The following CTNNA3 variants were observed in gnomAD, a reference collection of about 807,000 sequenced individuals.
The protein encoded by CTNNA3 is catenin alpha 3.
A neutral mutation model predicts 95.7 loss-of-function variants in CTNNA3; 76 were observed. The observed-to-expected ratio is 0.79, with a 90% CI of 0.66 to 0.96. The LOEUF is 0.96. Ranked by LOEUF, CTNNA3 falls within the 40% of genes least tolerant of loss-of-function variation. CTNNA3 has a pLI of 0.00. For synonymous variants in CTNNA3, 431 were observed against 374.4 expected (o/e 1.15, Z -1.74); for missense variants, 1,191 against 1,089.8 (o/e 1.09, Z -1.31).
chr10:66,290,150 T>C (rs952534766), intron 12 of CTNNA3, among the ~76,000 whole-genome samples: 2 of 151,918 alleles, frequency 1.3e-5, no homozygotes, highest in African/African-American at 4.8e-5. Context: ...GATGTGTGAA[T>C]AAAGAGAAGT....
At chr10:66,594,552 T>A (rs2132237779) in intron 10 of CTNNA3, among the ~76,000 whole-genome samples, 1 of 152,288 alleles carries the variant, frequency 6.6e-6, no homozygotes, top group East Asian at 1.9e-4. Context: ...AGTCATCCCA[T>A]CTGGATGCTT....
chr10:67,070,831 C>T (rs1342125816), intron 7 of CTNNA3, among the ~76,000 whole-genome samples: 2 of 152,006 alleles, frequency 1.3e-5, no homozygotes, highest in African/African-American at 4.8e-5. Flanking sequence ...TCCTCTATTT[C>T]CTACCTAGTT....
At chr10:66,338,329 T>C (rs1016293011) in intron 12 of CTNNA3, among the ~76,000 whole-genome samples, 3 of 151,760 alleles carry the variant, frequency 2.0e-5, no homozygotes, top group Admixed American at 1.3e-4. Flanking sequence ...GACATAAGAG[T>C]TCTTATTGTG....
At chr10:67,400,194 C>T (rs578108373) in intron 5 of CTNNA3, among the ~76,000 whole-genome samples, 1 of 152,096 alleles carries the variant, frequency 6.6e-6, no homozygotes, top group African/African-American at 2.4e-5. Flanking sequence ...ATACCAAAAC[C>T]TTCAAGATGC....
At chr10:66,046,010 G>C (rs1486535823) in intron 15 of CTNNA3, among the ~76,000 whole-genome samples, 1 of 152,158 alleles carries the variant, frequency 6.6e-6, no homozygotes, top group Non-Finnish European at 1.5e-5. Flanking sequence ...TGGCTGTCAG[G>C]GAGAAGAATG....
chr10:66,915,317 T>C (rs1304199001), intron 7 of CTNNA3, among the ~76,000 whole-genome samples: 1 of 152,064 alleles, frequency 6.6e-6, no homozygotes, highest in Non-Finnish European at 1.5e-5. Flanking sequence ...CAGAATATTG[T>C]CTGATTCTCT....
chr10:67,404,032 C>T (rs1845034827), intron 5 of CTNNA3, among the ~76,000 whole-genome samples: 1 of 152,102 alleles, frequency 6.6e-6, no homozygotes, highest in Admixed American at 6.5e-5. Context: ...ACAACAACAA[C>T]AAAAACCCAT....
At chr10:66,650,115 A>G (rs1845843541) in intron 9 of CTNNA3, among the ~76,000 whole-genome samples, 2 of 152,352 alleles carry the variant, frequency 1.3e-5, no homozygotes, top group South Asian at 2.1e-4. Flanking sequence ...CCCAACAGAC[A>G]TATACAGAAC....
intron 2 of CTNNA3, among the ~76,000 whole-genome samples, chr10:67,620,684 G>A (rs184421277): frequency 3.0e-4 from 45 of 152,068 alleles, no homozygotes; most frequent in East Asian, 1.4e-3. Flanking sequence ...TCCATTATAC[G>A]ATGCATCCTA....
intron 15 of CTNNA3, among the ~76,000 whole-genome samples, chr10:66,046,608 T>C (rs1433922353): frequency 6.6e-6 from 1 of 150,966 alleles, no homozygotes; most frequent in African/African-American, 2.4e-5. Flanking sequence ...AGATAAGAAA[T>C]AACTAATATC....
intron 6 of CTNNA3, among the ~76,000 whole-genome samples, chr10:67,182,642 T>C (rs538047814): frequency 1.3e-5 from 2 of 152,050 alleles, no homozygotes; most frequent in East Asian, 3.9e-4. Context: ...GGACTTCATG[T>C]CTAAAACACC....
chr10:66,454,818 G>T (rs964905922), intron 11 of CTNNA3, among the ~76,000 whole-genome samples: 1 of 146,022 alleles, frequency 6.8e-6, no homozygotes, highest in African/African-American at 2.5e-5. Flanking sequence ...GGGAGAGGAG[G>T]GGGAGGAGGG....
At chr10:66,389,478 A>G (rs2092919183) in intron 11 of CTNNA3, among the ~76,000 whole-genome samples, 1 of 152,038 alleles carries the variant, frequency 6.6e-6, no homozygotes, top group African/African-American at 2.4e-5. Flanking sequence ...ATTATTAGCA[A>G]TTTCTATCAA....
intron 11 of CTNNA3, among the ~76,000 whole-genome samples, chr10:66,474,418 T>C (rs903040859): frequency 2.0e-5 from 3 of 152,106 alleles, no homozygotes; most frequent in African/African-American, 4.8e-5. Context: ...CCACTGTGTA[T>C]GTATAACACA....
At chr10:67,736,508 T>C (rs1440357520) in intron 1 of CTNNA3, among the ~76,000 whole-genome samples, 7 of 145,988 alleles carry the variant, frequency 4.8e-5, no homozygotes, top group African/African-American at 1.5e-4. Flanking sequence ...CAGGCTGGAG[T>C]GCAGTGGCAC....
intron 17 of CTNNA3, among the ~76,000 whole-genome samples, chr10:65,929,855 C>T (rs1391053648): frequency 6.6e-6 from 1 of 152,016 alleles, no homozygotes; most frequent in African/African-American, 2.4e-5. Context: ...TGTGAGCCAC[C>T]GTGCCTGGCC....
intron 14 of CTNNA3, among the ~76,000 whole-genome samples, chr10:66,081,051 G>T (rs1035132832): frequency 6.6e-6 from 1 of 152,172 alleles, no homozygotes; most frequent in Non-Finnish European, 1.5e-5. Flanking sequence ...GAGGCCAGGG[G>T]CCTGTACTCA....
chr10:67,182,710 C>T (rs1017306678), intron 6 of CTNNA3, among the ~76,000 whole-genome samples: 8 of 152,114 alleles, frequency 5.3e-5, no homozygotes, highest in Admixed American at 4.6e-4. Flanking sequence ...AACTAAAGAG[C>T]TTCTGCACAG....
intron 17 of CTNNA3, among the ~76,000 whole-genome samples, chr10:65,935,054 A>G (rs1337798026): frequency 6.6e-6 from 1 of 152,108 alleles, no homozygotes; most frequent in African/African-American, 2.4e-5. Context: ...AGCTGAAATG[A>G]TAAGACATGT....
Sources: gnomAD v4.1 joint callset for allele counts (sites outside exome capture counted in the v4.1 genomes callset) on GRCh38, gnomAD v4.1.1 for gene constraint, MANE v1.5 for transcripts, NCBI Gene and HGNC (gene_info 2026-07-23, HGNC 2026-07-21) for gene names.